Variants in DNAJC21 observed in about 807,000 individuals in gnomAD.
DNAJC21 encodes the protein DnaJ heat shock protein family (Hsp40) member C21, also known as dnaJ homolog subfamily C member 21.
In DNAJC21, 63 loss-of-function variants were observed where a neutral mutation model predicts 72.4. The ratio of observed to expected loss-of-function variants is 0.87; its 90% CI spans 0.71 to 1.07. The LOEUF (loss-of-function observed/expected upper bound fraction) is 1.07. DNAJC21 is among the 50% of genes least tolerant of loss of function. DNAJC21 has a pLI of 0.00. For missense variants in DNAJC21, 634 were observed against 644.8 expected, an observed-to-expected ratio of 0.98 and a Z score of 0.18; for synonymous variants, 203 against 216.7, an observed-to-expected ratio of 0.94 and a Z score of 0.56.
At chr5:34,935,500 G>A (rs1045611077) in intron 2 of DNAJC21, among the ~76,000 whole-genome samples, 1 of 152,176 alleles carries the variant, frequency 6.6e-6, no homozygotes, top group African/African-American at 2.4e-5. Flanking sequence ...ATTGTATAAT[G>A]TATCAGAAGT....
rs1765601083 is a variant in DNAJC21, at chr5:34,958,665, A to C, written c.*3951A>C. The C allele has an allele frequency of 6.6e-6, 1 of 152,218 alleles. No homozygotes were observed. Among genetic ancestry groups the C allele is most frequent in the Non-Finnish European group, 1.5e-5 (1 of 68,036 alleles). 9.4% of individuals were successfully genotyped at this position (152,218 alleles called of 1,614,324 possible). ...AAAGGATTCGTATCTGGAATACATT[A>C]AAGAAGCAAAAGAACCTCATACAAA... On this transcript the variant is annotated 3_prime_UTR_variant, in exon 12 of 12. Coordinates refer to ENST00000648817, the MANE Select transcript of DNAJC21 (RefSeq NM_001012339.3).
intron 10 of DNAJC21, 120 bp from the exon 11 acceptor site, chr5:34,953,806 A>AG: frequency 1.9e-6 from 1 of 520,218 alleles, no homozygotes; most frequent in Non-Finnish European, 3.1e-6. Flanking sequence ...TGCCTTTAAA[A>AG]TTAATGAATT....
chr5:34,929,788 G>C lies in DNAJC21; in HGVS notation c.-32G>C. 7.9e-7 allele frequency: 1 copy of C among 1,263,970 alleles called. No individual in the cohort carries two copies. Among genetic ancestry groups the C allele is most frequent in the Non-Finnish European group, 1.0e-6 (1 of 978,908 alleles). The allele number at this position is 1,263,970 out of a possible 1,614,324, so 78.3% of individuals were successfully genotyped here. On this transcript the variant is annotated 5_prime_UTR_variant, in exon 1 of 12. Coordinates refer to ENST00000648817, the MANE Select transcript of DNAJC21 (RefSeq NM_001012339.3). ...GGCCCGGGCCCCGACCCCGTCCCGG[G>C]CCCCAGCGCCGGCCGCCCGCCCGGT...
intron 10 of DNAJC21, chr5:34,952,010 C>A: frequency 1.0e-6 from 1 of 985,420 alleles, no homozygotes; most frequent in Non-Finnish European, 1.2e-6. Flanking sequence ...AGCACCCTCC[C>A]CACACCACTC....
Position 34,955,494 on chromosome 5 carries a change from T to G in DNAJC21, c.*780T>G, listed in dbSNP as rs1765506409. 6.6e-6 allele frequency: 1 copy of G among 152,110 alleles called. No individual in the cohort carries two copies. The highest frequency in any genetic ancestry group is 2.4e-5 in the African/African-American group (1 of 41,408). The allele number at this position is 152,110 out of a possible 1,614,324, so 9.4% of individuals were successfully genotyped here. A position where few individuals can be genotyped will look rare whatever the true frequency, so the allele number is the denominator to read the frequency against. The stretch of plus-strand genomic sequence containing the variant: ...AATTTATACTATTTAAGAAGAGATG[T>G]GGTGTTCTTCATTGAGTTTTTTTCT... On this transcript the variant is annotated 3_prime_UTR_variant, in exon 12 of 12. Transcript: ENST00000648817.
Position 34,955,247 on chromosome 5 carries a change from A to G in DNAJC21, c.*533A>G, listed in dbSNP as rs1173147510. 2.0e-5 allele frequency: 3 copies of G among 152,272 alleles called. No individual in the cohort carries two copies. Among genetic ancestry groups the G allele is most frequent in the Non-Finnish European group, 4.4e-5 (3 of 68,048 alleles). 9.4% of individuals were successfully genotyped at this position (152,272 alleles called of 1,614,324 possible). A position where few individuals can be genotyped will look rare whatever the true frequency, so the allele number is the denominator to read the frequency against. ...TTTTTTCTCAAGAACAGTGATAGGT[A>G]GAAACTAATTGAACATTTGGTAGTC... On this transcript the variant is annotated 3_prime_UTR_variant, in exon 12 of 12. Transcript: ENST00000648817.
At chr5:34,935,234 A>G (rs752884532) in intron 2 of DNAJC21, among the ~76,000 whole-genome samples, 1 of 152,176 alleles carries the variant, frequency 6.6e-6, no homozygotes, top group African/African-American at 2.4e-5. Flanking sequence ...TCAGATGGAG[A>G]TAATAACTGC....
chr5:34,935,647 A>T, intron 2 of DNAJC21, 63 bp from the exon 3 acceptor site: 1 of 1,599,448 alleles, frequency 6.3e-7, no homozygotes, highest in Non-Finnish European at 8.6e-7. Context: ...CAAAAGGAGC[A>T]AGAAATCCTT....
chr5:34,954,884 AT>A lies in DNAJC21; in HGVS notation c.*173del. 1.4e-6 allele frequency: 1 copy of A among 706,498 alleles called. No homozygotes were observed. The highest frequency in any genetic ancestry group is 3.9e-5 in the Admixed American group (1 of 25,950). The allele number at this position is 706,498 out of a possible 1,614,324, so 43.8% of individuals were successfully genotyped here. ...TTGGTTTAATATATATTTTTAAAACATTTCACTAGTGATTGAATTCTACTTT... is the reference window on the plus strand; with the variant it reads ...TTGGTTTAATATATATTTTTAAAACATTCACTAGTGATTGAATTCTACTTT... On this transcript the variant is annotated 3_prime_UTR_variant, in exon 12 of 12. Transcript: ENST00000648817.
At position 34,931,747 on chromosome 5, in the gene DNAJC21, GCAGTGGACAGA is replaced by G. The variant is rs537480134; in HGVS notation, c.97+1835_97+1845del. 4.2e-3 allele frequency among the ~76,000 whole-genome samples: 637 copies of G among 152,204 alleles called. 3 individuals are homozygous for G. The highest frequency in any genetic ancestry group is 0.015 in the African/African-American group (621 of 41,504). On this transcript the variant is annotated intron_variant, in intron 1 of 11. Coordinates refer to ENST00000648817, the MANE Select transcript of DNAJC21 (RefSeq NM_001012339.3). ...TGGAGACAGAAGTTAGGGAGAGTCCGCAGTGGACAGACAGGTAAGGGCCCAAGCCAGGCTTG... is the reference window on the plus strand; with the variant it reads ...TGGAGACAGAAGTTAGGGAGAGTCCGCAGGTAAGGGCCCAAGCCAGGCTTG...
At chr5:34,945,127 G>C (rs1401539618) in intron 8 of DNAJC21, 102 bp downstream of exon 8, 1 of 1,405,550 alleles carries the variant, frequency 7.1e-7, no homozygotes. Context: ...GCCCAGGCTG[G>C]GGTGCAGTGG....
In DNAJC21 at chr5:34,957,423, A is replaced by T. The variant is rs767932649; in HGVS notation, c.*2709A>T. ...TTCCCTGCTTCAAAATAAGAGCAGT[A>T]TCCTTAGCTCTAGCCAAGCATTTTT... On this transcript the variant is annotated 3_prime_UTR_variant, in exon 12 of 12. Coordinates refer to ENST00000648817, the MANE Select transcript of DNAJC21 (RefSeq NM_001012339.3). 3 of 152,220 alleles carry T rather than the reference A, an allele frequency of 2.0e-5. No individual in the cohort carries two copies. The highest frequency in any genetic ancestry group is 1.9e-4 in the East Asian group (1 of 5,198). The allele number at this position is 152,220 out of a possible 1,614,324, so 9.4% of individuals were successfully genotyped here.
At chr5:34,944,688 T>C (rs1765114285) in intron 7 of DNAJC21, among the ~76,000 whole-genome samples, 179 bp from the exon 8 acceptor site, 1 of 152,082 alleles carries the variant, frequency 6.6e-6, no homozygotes, top group East Asian at 1.9e-4. Flanking sequence ...CCTGACACGT[T>C]CTGTTTCTCT....
chr5:34,948,896 A>G (rs1181558276), intron 9 of DNAJC21, among the ~76,000 whole-genome samples: 3 of 152,140 alleles, frequency 2.0e-5, no homozygotes, highest in Admixed American at 1.3e-4. Flanking sequence ...GAGATAGGAA[A>G]GCTTTATTAT....
intron 9 of DNAJC21, among the ~76,000 whole-genome samples, chr5:34,948,078 A>T (rs977878853): frequency 6.6e-6 from 1 of 152,220 alleles, no homozygotes; most frequent in Admixed American, 6.5e-5. Context: ...AATAAATTGT[A>T]GCTGGGAACC....
At chr5:34,949,828 T>A in intron 9 of DNAJC21, 1 of 1,393,188 alleles carries the variant, frequency 7.2e-7, no homozygotes, top group Non-Finnish European at 9.5e-7. Context: ...AGAGATTACT[T>A]AATAAAGAAT....
chr5:34,953,023 G>A (rs1306708185), intron 10 of DNAJC21, among the ~76,000 whole-genome samples: 3 of 151,946 alleles, frequency 2.0e-5, no homozygotes, highest in Non-Finnish European at 4.4e-5. Flanking sequence ...GGTGGCACGT[G>A]CCTGTAATCC....
In DNAJC21 at chr5:34,951,587, G is replaced by A. The variant is rs894794738; in HGVS notation, c.1358+1245G>A. 5 of 980,746 alleles carry A rather than the reference G, an allele frequency of 5.1e-6. No individual in the cohort carries two copies. In the South Asian group the frequency reaches 1.9e-4, roughly 37 times the overall value. 60.8% of individuals were successfully genotyped at this position (980,746 alleles called of 1,614,324 possible). On this transcript the variant is annotated intron_variant, in intron 10 of 11. Transcript: ENST00000648817. ...CTGTTGCCCAGGCTGGAGTACAGTG[G>A]CGCAACCTCGGCTCACTGCAACCTC...
At position 34,944,887 on chromosome 5, in the gene DNAJC21, CAAA is replaced by C. The variant is rs1400672351; in HGVS notation, c.1005_1007del (p.Lys337del). 5 of 1,613,866 alleles carry C rather than the reference CAAA, an allele frequency of 3.1e-6. No individual in the cohort carries two copies. Among genetic ancestry groups the C allele is most frequent in the South Asian group, 2.2e-5 (2 of 91,062 alleles). The stretch of plus-strand genomic sequence containing the variant: ...TTCAGCATGAAGAATCACGAGAAGT[CAAA>C]GAAGCATCGGGAAATGGTGGCCTTG... On this transcript the variant is annotated inframe_deletion, in exon 8 of 12. Coordinates refer to ENST00000648817, the MANE Select transcript of DNAJC21 (RefSeq NM_001012339.3).
Sources: allele counts gnomAD v4.1 joint callset (sites outside exome capture counted in the v4.1 genomes callset), GRCh38; gene constraint gnomAD v4.1.1; transcripts MANE v1.5; gene names NCBI Gene and HGNC (gene_info 2026-07-23, HGNC 2026-07-21).